Variants in PDAP1 observed in about 807,000 individuals in gnomAD.
The protein encoded by PDAP1 is PDGFA associated protein 1, also known as 28 kDa heat- and acid-stable phosphoprotein.
Under a neutral mutation model 28.0 loss-of-function variants are expected in PDAP1, and 13 were observed. The observed-to-expected ratio is 0.46, with a 90% CI of 0.30 to 0.74. The LOEUF is 0.74. Among genes scored for constraint, PDAP1 ranks in the 30% least tolerant of loss-of-function variants. The pLI, the probability that PDAP1 is intolerant of heterozygous loss-of-function variation, is 0.07. For synonymous variants in PDAP1, 77 were observed against 85.1 expected, an observed-to-expected ratio of 0.91 and a Z score of 0.52; for missense variants, 150 against 230.0, an observed-to-expected ratio of 0.65 and a Z score of 2.25.
At chr7:99,405,084 G>A (rs1256888306) in intron 1 of PDAP1, 131 bp from the exon 2 acceptor site, 20 of 628,724 alleles carry the variant, frequency 3.2e-5, no homozygotes, top group South Asian at 2.1e-4. Context: ...CACCCAAACC[G>A]ACACCTCCGC....
rs534384184 is a variant in PDAP1, at chr7:99,401,841, C to T, written c.214-1417G>A. ...CCTCCCAAGTAGCTGGGACTACAGG[C>T]GCCTGCCACCACACCTGGCTAATTT... On this transcript the variant is annotated intron_variant, in intron 3 of 5. Transcript: ENST00000350498. 3.3e-5 allele frequency among the ~76,000 whole-genome samples: 5 copies of T among 151,556 alleles called. No homozygotes were observed. In the South Asian group the frequency reaches 1.0e-3, roughly 32 times the overall value.
chr7:99,396,863 A>G (rs1584417496), intron 5 of PDAP1, 123 bp from the exon 6 acceptor site: 1 of 760,836 alleles, frequency 1.3e-6, no homozygotes, highest in East Asian at 2.7e-5. Flanking sequence ...TGCAACAGAG[A>G]AGAGCCGAGG....
intron 1 of PDAP1, 28 bp from the exon 2 acceptor site, chr7:99,404,981 G>A (rs765463727): frequency 1.7e-5 from 26 of 1,560,982 alleles, no homozygotes; most frequent in South Asian, 5.6e-5. Flanking sequence ...TTAGGTGAGC[G>A]GAAGCAGCTG....
intron 2 of PDAP1, among the ~76,000 whole-genome samples, chr7:99,403,866 C>T (rs1308750438): frequency 6.6e-6 from 1 of 152,160 alleles, no homozygotes; most frequent in Non-Finnish European, 1.5e-5. Context: ...CACCATCCTA[C>T]TCAGCTCCCA....
intron 3 of PDAP1, 122 bp downstream of exon 3, chr7:99,403,276 T>TA: frequency 1.5e-6 from 1 of 663,008 alleles, no homozygotes; most frequent in Admixed American, 2.5e-5. Flanking sequence ...TCCCGTAGTG[T>TA]AAACCCTCAA....
At chr7:99,405,549 G>A (rs1484416014) in intron 1 of PDAP1, among the ~76,000 whole-genome samples, 1 of 151,982 alleles carries the variant, frequency 6.6e-6, no homozygotes, top group Non-Finnish European at 1.5e-5. Context: ...TAGTAGAGAT[G>A]GGGTTTAACC....
At chr7:99,399,811 C>T (rs1794829819) in intron 4 of PDAP1, among the ~76,000 whole-genome samples, 1 of 152,246 alleles carries the variant, frequency 6.6e-6, no homozygotes, top group African/African-American at 2.4e-5. Flanking sequence ...TCTTGATCCT[C>T]ATACGACTCT....
chr7:99,404,690 CCTGA>C (rs959154296), intron 2 of PDAP1, among the ~76,000 whole-genome samples, 168 bp downstream of exon 2: 2 of 152,206 alleles, frequency 1.3e-5, no homozygotes, highest in Admixed American at 1.3e-4. Context: ...ATGCCCACGC[CCTGA>C]CTGTCATTGG....
intron 4 of PDAP1, among the ~76,000 whole-genome samples, chr7:99,398,699 A>G (rs1485023315): frequency 1.3e-5 from 2 of 152,112 alleles, no homozygotes; most frequent in Admixed American, 1.3e-4. Context: ...GTGAAATCCT[A>G]TCTCTAAAAA....
At chr7:99,408,023 G>T (rs568055562) in intron 1 of PDAP1, among the ~76,000 whole-genome samples, 1 of 152,208 alleles carries the variant, frequency 6.6e-6, no homozygotes, top group Non-Finnish European at 1.5e-5. Flanking sequence ...CGGAGACACA[G>T]GAGGTGGAGC....
chr7:99,406,163 C>T (rs1326076513), intron 1 of PDAP1, among the ~76,000 whole-genome samples: 2 of 152,164 alleles, frequency 1.3e-5, no homozygotes, highest in Non-Finnish European at 1.5e-5. Flanking sequence ...AAAGGAGAAT[C>T]GCTTGAACCC....
At chr7:99,399,970 G>A (rs1250139795) in intron 4 of PDAP1, among the ~76,000 whole-genome samples, 2 of 152,224 alleles carry the variant, frequency 1.3e-5, no homozygotes, top group African/African-American at 4.8e-5. Context: ...ACAGATGGAT[G>A]CAGGTCAGGA....
In PDAP1 at chr7:99,396,645, G is replaced by A. The variant is rs201486247; in HGVS notation, c.*37C>T. On this transcript the variant is annotated 3_prime_UTR_variant, in exon 6 of 6. Coordinates refer to ENST00000350498, the MANE Select transcript of PDAP1 (RefSeq NM_014891.7). ...GACACAGCAGAGGTCCTGGCAGCGC[G>A]GCCCAGGTCCCCGGCATCTCCTCCC... 3.2e-4 allele frequency: 498 copies of A among 1,567,426 alleles called. 1 individual carries two copies. Among genetic ancestry groups the A allele is most frequent in the African/African-American group, 4.5e-4 (33 of 74,090 alleles).
intron 1 of PDAP1, 67 bp from the exon 2 acceptor site, chr7:99,405,020 G>C (rs1296529233): frequency 9.0e-6 from 11 of 1,221,508 alleles, no homozygotes; most frequent in Admixed American, 1.8e-5. Flanking sequence ...CCAGAGGGCT[G>C]TGTCCTGCTT....
rs1167580319 is a variant in PDAP1, at chr7:99,400,483, C to A, written c.214-59G>T. 4 of 1,602,182 alleles carry A rather than the reference C, an allele frequency of 2.5e-6. No homozygotes were observed. The East Asian group carries it at 8.9e-5, about 36-fold the overall frequency. On this transcript the variant is annotated intron_variant, in intron 3 of 5. Coordinates refer to ENST00000350498, the MANE Select transcript of PDAP1 (RefSeq NM_014891.7). Reference sequence around the variant, plus strand: ...CAGGTCCTGTGGAGCCCCTGAGGGCCACTCCTGCCATCTCTCAACAGCCCA... The same window carrying A: ...CAGGTCCTGTGGAGCCCCTGAGGGCAACTCCTGCCATCTCTCAACAGCCCA...
Position 99,395,325 on chromosome 7 carries a change from A to AT in PDAP1, c.*1356dup, listed in dbSNP as rs1794732017. 6.6e-6 allele frequency: 1 copy of AT among 152,106 alleles called. No homozygotes were observed. Among genetic ancestry groups the AT allele is most frequent in the Non-Finnish European group, 1.5e-5 (1 of 68,054 alleles). 9.4% of individuals were successfully genotyped at this position (152,106 alleles called of 1,614,324 possible). A position where few individuals can be genotyped will look rare whatever the true frequency, so the allele number is the denominator to read the frequency against. On this transcript the variant is annotated 3_prime_UTR_variant, in exon 6 of 6. Coordinates refer to ENST00000350498, the MANE Select transcript of PDAP1 (RefSeq NM_014891.7). ...ACCACCAAGCCTGGTTAATTTTTGT[A>AT]TTTTTAGTAGAGACGGAGTTTCTCC...
chr7:99,398,476 G>C (rs781484821), intron 4 of PDAP1, among the ~76,000 whole-genome samples: 1 of 152,264 alleles, frequency 6.6e-6, no homozygotes, highest in African/African-American at 2.4e-5. Context: ...AGGATCACTT[G>C]AGGCTGTAAG....
Position 99,396,688 on chromosome 7 carries a change from A to C in PDAP1, c.540T>G (p.Asn180Lys). 1 of 1,611,564 alleles carries C rather than the reference A, an allele frequency of 6.2e-7. No homozygotes were observed. The highest frequency in any genetic ancestry group is 1.3e-5 in the African/African-American group (1 of 74,960). Residue 180 changes from asparagine (N) to lysine (K), a missense_variant, in exon 6 of 6, where the codon AAT (asparagine) becomes AAG (lysine). Coordinates refer to ENST00000350498, the MANE Select transcript of PDAP1 (RefSeq NM_014891.7). ...CTCCTCCCACGGGTCGCAGTTACTT[A>C]TTCAGGGAGAGTGACTGCATTCGTT... Reference protein sequence around the residue: ...SGKRMQSLSLNK With the variant: ...SGKRMQSLSLKK
intron 1 of PDAP1, among the ~76,000 whole-genome samples, chr7:99,405,654 G>A (rs921664236): frequency 3.3e-5 from 5 of 150,458 alleles, no homozygotes; most frequent in South Asian, 2.1e-4. Context: ...GAGCCACCGC[G>A]CCCAGCCAGC....
Sources: gnomAD v4.1 joint callset for allele counts (sites outside exome capture counted in the v4.1 genomes callset) on GRCh38, gnomAD v4.1.1 for gene constraint, MANE v1.5 for transcripts, NCBI Gene and HGNC (gene_info 2026-07-23, HGNC 2026-07-21) for gene names.